The following TLN2 variants were observed in gnomAD, a reference collection of about 807,000 sequenced individuals.
The protein encoded by TLN2 is talin-2.
In TLN2, 118 loss-of-function variants were observed where a neutral mutation model predicts 294.7. The observed-to-expected ratio is 0.40, with a 90% confidence interval of 0.34 to 0.47. The LOEUF (loss-of-function observed/expected upper bound fraction) is 0.47. Among genes scored for constraint, TLN2 ranks in the 20% least tolerant of loss-of-function variants. The pLI, the probability that TLN2 is intolerant of heterozygous loss-of-function variation, is 0.84. For synonymous variants in TLN2, 1,431 were observed against 1,304.5 expected (o/e 1.10, Z -2.09); for missense variants, 3,083 against 3,282.2 (o/e 0.94, Z 1.48).
chr15:62,724,694 T>C lies in TLN2; in HGVS notation c.3127-282T>C, dbSNP rs923843893. ...CAGCCACAGTGAATAAATGATCCAC[T>C]GAGTCTAAGAGGCAAGTGCATTTCA... On this transcript the variant is annotated intron_variant, in intron 26 of 58. Coordinates refer to ENST00000636159, the MANE Select transcript of TLN2 (RefSeq NM_015059.3). 4.6e-5 allele frequency among the ~76,000 whole-genome samples: 7 copies of C among 152,282 alleles called. No homozygotes were observed. The South Asian group carries it at 8.3e-4, about 18-fold the overall frequency.
At chr15:62,509,591 A>T (rs1014864490) in intron 1 of TLN2, among the ~76,000 whole-genome samples, 5 of 152,160 alleles carry the variant, frequency 3.3e-5, no homozygotes, top group African/African-American at 1.2e-4. Context: ...CTTCGGCATA[A>T]CTTGCCTGGA....
intron 9 of TLN2, among the ~76,000 whole-genome samples, chr15:62,670,896 C>T (rs528921431): frequency 3.9e-5 from 6 of 152,310 alleles, no homozygotes; most frequent in South Asian, 2.1e-4. Flanking sequence ...TGTACATTCC[C>T]GCCAGCAGTG....
rs1356508278 is a variant in TLN2 at position 62,702,130 on chromosome 15, T to A, written c.1835T>A (p.Leu612His). ...DDEVGSGEDL[L>H]RAARTLAGAV... is the part of the protein sequence containing the mutation. ...GAGGTGGGCAGCGGGGAGGACTTGC[T>A]CAGAGCTGCCAGGACCCTCGCTGGG... The change falls in exon 18 of 59, where the codon CTC (leucine) becomes CAC (histidine). Residue 612 changes from leucine to histidine, a missense_variant. Transcript: ENST00000636159. 1 of 1,613,950 alleles carries A rather than the reference T, an allele frequency of 6.2e-7. No individual in the cohort carries two copies.
At chr15:62,740,992 C>CT in intron 32 of TLN2, among the ~76,000 whole-genome samples, 1 of 152,294 alleles carries the variant, frequency 6.6e-6, no homozygotes, top group South Asian at 2.1e-4. Context: ...CTCATACAGC[C>CT]TTTTCAGTAG....
intron 1 of TLN2, chr15:62,453,743 T>G (rs1329255628): frequency 6.6e-6 from 1 of 152,206 alleles, no homozygotes; most frequent in East Asian, 1.9e-4. Context: ...CTGCACTGAG[T>G]AAGTCCGGGC....
chr15:62,835,464 C>G lies in TLN2; in HGVS notation c.7129-273C>G, dbSNP rs745622924. ...CCAGGTCATCATTCCTGAGCCGTTT[C>G]CCAGAATTGCAGTACCTGGAAGCTA... is the stretch of plus-strand genomic sequence containing the variant. On this transcript the variant is annotated intron_variant, in intron 55 of 58. Coordinates refer to ENST00000636159, the MANE Select transcript of TLN2 (RefSeq NM_015059.3). 6 of 532,930 alleles carry G rather than the reference C, an allele frequency of 1.1e-5. No individual in the cohort carries two copies. The East Asian group carries it at 1.6e-4, about 15-fold the overall frequency. The allele number at this position is 532,930 out of a possible 1,614,324, so 33.0% of individuals were successfully genotyped here. A position where few individuals can be genotyped will look rare whatever the true frequency, so the allele number is the denominator to read the frequency against.
At chr15:62,643,405 A>ATTTTTTTTTTTTTTTTTTTTTTTTTTTTT (rs571288380) in intron 3 of TLN2, among the ~76,000 whole-genome samples, 2 of 90,750 alleles carry the variant, frequency 2.2e-5, no homozygotes, top group African/African-American at 5.4e-5. Context: ...TGGTTCCAGG[A>ATTTTTTTTTTTTTTTTTTTTTTTTTTTTT]TTTTTTTTTT....
chr15:62,554,108 A>C (rs2042473369), intron 1 of TLN2, among the ~76,000 whole-genome samples: 1 of 151,978 alleles, frequency 6.6e-6, no homozygotes, highest in Admixed American at 6.6e-5. Context: ...TCTAGGATCA[A>C]CCAAGATGCT....
chr15:62,770,724 G>C (rs1037835925), intron 41 of TLN2, among the ~76,000 whole-genome samples: 2 of 149,224 alleles, frequency 1.3e-5, no homozygotes, highest in African/African-American at 4.9e-5. Flanking sequence ...TCTGGATCTT[G>C]GAATGGGTTT....
intron 3 of TLN2, chr15:62,644,899 G>A: frequency 3.4e-6 from 1 of 295,190 alleles, no homozygotes; most frequent in South Asian, 3.3e-5. Flanking sequence ...GGGAAGGGCA[G>A]ACTTCACGCA....
intron 3 of TLN2, chr15:62,645,375 T>G (rs1466944667): frequency 2.0e-5 from 3 of 152,218 alleles, no homozygotes; most frequent in Non-Finnish European, 4.4e-5. Context: ...TATTGAGAAG[T>G]GTATCCTGAC....
rs866467615 is a variant in TLN2 at position 62,392,815 on chromosome 15, A to C, written c.-238+2130A>C. On this transcript the variant is annotated intron_variant, in intron 1 of 58. Transcript: ENST00000636159. The stretch of plus-strand genomic sequence containing the variant: ...TGTGGGAGATGTGCCTGGAGATGTT[A>C]GGTGTTAGGCAGCTCTTTCCCTGAT... Among the ~76,000 whole-genome samples, 6 of 152,204 alleles carry C rather than the reference A, an allele frequency of 3.9e-5. No individual in the cohort carries two copies. The South Asian group carries it at 1.2e-3, about 32-fold the overall frequency.
At chr15:62,650,867 T>C (rs2052511230) in intron 5 of TLN2, among the ~76,000 whole-genome samples, 1 of 152,150 alleles carries the variant, frequency 6.6e-6, no homozygotes, top group Non-Finnish European at 1.5e-5. Flanking sequence ...TTTTAGGAAG[T>C]GTAGTAAACA....
At chr15:62,748,886 T>C (rs1315304847) in intron 33 of TLN2, among the ~76,000 whole-genome samples, 1 of 152,206 alleles carries the variant, frequency 6.6e-6, no homozygotes, top group Admixed American at 6.5e-5. Context: ...ATCTGTACCA[T>C]GTAGGGAATA....
At chr15:62,458,272 C>CGG (rs906487564) in intron 1 of TLN2, among the ~76,000 whole-genome samples, 18 of 152,102 alleles carry the variant, frequency 1.2e-4, no homozygotes, top group Admixed American at 1.0e-3. Context: ...AAGGGTCAGG[C>CGG]GGGGTCACTC....
intron 21 of TLN2, 88 bp from the exon 22 acceptor site, chr15:62,711,823 A>T: frequency 7.0e-7 from 1 of 1,423,216 alleles, no homozygotes; most frequent in Non-Finnish European, 9.4e-7. Flanking sequence ...TTACCAGAGG[A>T]GTAGAGACAA....
At chr15:62,561,408 G>A (rs187942774) in intron 1 of TLN2, 1 of 152,248 alleles carries the variant, frequency 6.6e-6, no homozygotes, top group East Asian at 1.9e-4. Flanking sequence ...ACGCCTTCGC[G>A]AGAGGAGCTG....
Position 62,543,291 on chromosome 15 carries a change from C to T in TLN2, c.-237-46396C>T, listed in dbSNP as rs76348614. Among the ~76,000 whole-genome samples the T allele has an allele frequency of 3.4e-3, 522 of 152,298 alleles. 6 individuals are homozygous for T. The highest frequency in any genetic ancestry group is 0.011 in the African/African-American group (458 of 41,566). On this transcript the variant is annotated intron_variant, in intron 1 of 58. Transcript: ENST00000636159. ...AAACTCTATATTCTCAACTCTAAAA[C>T]AAGGAGGTTGGACTTCATTAATTCA...
chr15:62,835,517 C>G (rs921774547), intron 55 of TLN2: 1 of 591,262 alleles, frequency 1.7e-6, no homozygotes, highest in Non-Finnish European at 3.0e-6. Flanking sequence ...CATTTCCTGT[C>G]GCCTCTTGGT....
Sources: gnomAD v4.1 joint callset for allele counts (sites outside exome capture counted in the v4.1 genomes callset) on GRCh38, gnomAD v4.1.1 for gene constraint, MANE v1.5 for transcripts, NCBI Gene and HGNC (gene_info 2026-07-23, HGNC 2026-07-21) for gene names.